The following KCNIP4 variants were observed in gnomAD, a reference collection of about 807,000 sequenced individuals.
KCNIP4 encodes the protein Kv channel-interacting protein 4.
Under a neutral mutation model 34.0 loss-of-function variants are expected in KCNIP4, and 12 were observed. The observed-to-expected ratio is 0.35, with a 90% CI of 0.23 to 0.57. The LOEUF is 0.57. Ranked by LOEUF, KCNIP4 falls within the 20% of genes least tolerant of loss-of-function variation. The probability of loss-of-function intolerance (pLI) is 0.83; values close to 1 mark genes in which losing one functional copy is unlikely to be tolerated. For synonymous variants in KCNIP4, 124 were observed against 102.2 expected (o/e 1.21, Z -1.29); for missense variants, 238 against 311.7 (o/e 0.76, Z 1.78).
intron 1 of KCNIP4, among the ~76,000 whole-genome samples, chr4:21,613,986 A>G (rs1040377298): frequency 1.6e-4 from 24 of 150,208 alleles, no homozygotes; most frequent in African/African-American, 5.2e-4. Flanking sequence ...TACTAAAAAT[A>G]CAAAAAAAAA....
chr4:21,226,641 G>A (rs1758428827), intron 1 of KCNIP4, among the ~76,000 whole-genome samples: 1 of 152,136 alleles, frequency 6.6e-6, no homozygotes, highest in African/African-American at 2.4e-5. Flanking sequence ...GAGGACTTCT[G>A]TAGTTAAGAG....
At chr4:20,876,455 A>G (rs1316221576) in intron 2 of KCNIP4, among the ~76,000 whole-genome samples, 3 of 152,344 alleles carry the variant, frequency 2.0e-5, no homozygotes, top group East Asian at 1.9e-4. Context: ...ATTTCTTGAC[A>G]TTAAGTCATC....
At chr4:20,939,431 T>C (rs1166548426) in intron 1 of KCNIP4, among the ~76,000 whole-genome samples, 1 of 152,082 alleles carries the variant, frequency 6.6e-6, no homozygotes, top group Non-Finnish European at 1.5e-5. Flanking sequence ...TGGAGTGCAG[T>C]GGTGCAATCC....
At chr4:21,308,946 C>G (rs1017705651) in intron 1 of KCNIP4, among the ~76,000 whole-genome samples, 1 of 132,758 alleles carries the variant, frequency 7.5e-6, no homozygotes, top group African/African-American at 3.1e-5. Context: ...TTATCTCTTG[C>G]CTGTCCCCAG....
intron 1 of KCNIP4, among the ~76,000 whole-genome samples, chr4:21,378,069 C>T (rs1343312590): frequency 6.6e-6 from 1 of 152,074 alleles, no homozygotes; most frequent in Non-Finnish European, 1.5e-5. Context: ...AGGTATTTCC[C>T]ACACTTTAAA....
intron 1 of KCNIP4, chr4:21,697,507 A>C: frequency 1.4e-5 from 21 of 1,484,472 alleles, no homozygotes; most frequent in Non-Finnish European, 1.8e-5. Context: ...ATAATAATAA[A>C]AAGAGAGTCT....
At chr4:21,289,773 G>A (rs977762401) in intron 1 of KCNIP4, among the ~76,000 whole-genome samples, 1 of 152,034 alleles carries the variant, frequency 6.6e-6, no homozygotes, top group Non-Finnish European at 1.5e-5. Flanking sequence ...ATGGTGCCTA[G>A]GCAGATGCAA....
chr4:21,234,418 T>C lies in KCNIP4; in HGVS notation c.62-351709A>G, dbSNP rs62652514. 8.5e-5 allele frequency among the ~76,000 whole-genome samples: 8 copies of C among 94,608 alleles called. 2 individuals carry two copies. The highest frequency in any genetic ancestry group is 5.3e-4 in the African/African-American group (8 of 15,104). The allele number at this position is 94,608 out of a possible 152,430, so 62.1% of individuals were successfully genotyped here. On this transcript the variant is annotated intron_variant, in intron 1 of 8. Transcript: ENST00000382152. ...ATATAATATATTATATAACATATACTATATATATTACATATAACGTATATA... is the reference window on the plus strand; with the variant it reads ...ATATAATATATTATATAACATATACCATATATATTACATATAACGTATATA...
chr4:21,242,643 T>G (rs1208360971), intron 1 of KCNIP4, among the ~76,000 whole-genome samples: 3 of 152,170 alleles, frequency 2.0e-5, no homozygotes, highest in Non-Finnish European at 4.4e-5. Flanking sequence ...TTACCCCTTT[T>G]CTTTCTCTTG....
At chr4:20,855,679 G>C (rs753951280) in intron 2 of KCNIP4, among the ~76,000 whole-genome samples, 3 of 151,436 alleles carry the variant, frequency 2.0e-5, no homozygotes, top group Admixed American at 6.6e-5. Context: ...AAAAAAAATT[G>C]GTGATGAAAC....
In KCNIP4 at chr4:21,873,852, G is replaced by A. The variant is rs183381624; in HGVS notation, c.61+74719C>T. 1.6e-3 allele frequency among the ~76,000 whole-genome samples: 238 copies of A among 152,282 alleles called. 2 individuals carry two copies. Among genetic ancestry groups the A allele is most frequent in the Non-Finnish European group, 1.9e-3 (129 of 68,026 alleles). On this transcript the variant is annotated intron_variant, in intron 1 of 8. Coordinates refer to ENST00000382152, the MANE Select transcript of KCNIP4 (RefSeq NM_025221.6). Reference sequence around the variant, plus strand: ...ATTCAGCAGGCTTCTAAACAACAGAGGGCATTTATCTTTGAACAGATTCCT... The same window carrying A: ...ATTCAGCAGGCTTCTAAACAACAGAAGGCATTTATCTTTGAACAGATTCCT...
intron 1 of KCNIP4, among the ~76,000 whole-genome samples, chr4:21,095,953 C>T (rs532658174): frequency 5.3e-5 from 8 of 152,194 alleles, no homozygotes; most frequent in Middle Eastern, 6.8e-3. Flanking sequence ...TGGACAAATC[C>T]TAATACATAA....
intron 1 of KCNIP4, among the ~76,000 whole-genome samples, chr4:21,293,752 T>C (rs182033161): frequency 6.6e-6 from 1 of 152,304 alleles, no homozygotes; most frequent in African/African-American, 2.4e-5. Flanking sequence ...AAGTGGGGTC[T>C]ATGAGAAAAG....
chr4:21,788,405 T>G lies in KCNIP4; in HGVS notation c.61+160166A>C, dbSNP rs562175880. On this transcript the variant is annotated intron_variant, in intron 1 of 8. Transcript: ENST00000382152. ...TATTCATCAAAGATTCATAAACAAA[T>G]GTTCTAATCAATTACTTTAACTTCT... Among the ~76,000 whole-genome samples, 22 of 152,284 alleles carry G rather than the reference T, an allele frequency of 1.4e-4. No homozygotes were observed. In the South Asian group the frequency reaches 4.6e-3, roughly 32 times the overall value.
intron 1 of KCNIP4, among the ~76,000 whole-genome samples, chr4:21,010,741 G>C (rs1479239801): frequency 6.6e-6 from 1 of 152,150 alleles, no homozygotes; most frequent in Non-Finnish European, 1.5e-5. Flanking sequence ...GCATAGTATG[G>C]TTAGTGTGTA....
chr4:21,735,800 T>C (rs1469250388), intron 1 of KCNIP4, among the ~76,000 whole-genome samples: 2 of 152,170 alleles, frequency 1.3e-5, no homozygotes, highest in Admixed American at 1.3e-4. Context: ...AAATCCAAAC[T>C]AGAAACACCT....
chr4:20,990,048 G>A (rs1156631863), intron 1 of KCNIP4, among the ~76,000 whole-genome samples: 1 of 152,166 alleles, frequency 6.6e-6, no homozygotes, highest in Non-Finnish European at 1.5e-5. Context: ...AAATGAGATT[G>A]GATAGTTGGT....
intron 1 of KCNIP4, among the ~76,000 whole-genome samples, chr4:21,657,723 C>T (rs1045428153): frequency 6.6e-6 from 1 of 152,186 alleles, no homozygotes; most frequent in African/African-American, 2.4e-5. Context: ...CATGTACAGA[C>T]CTCTGAAATC....
intron 1 of KCNIP4, among the ~76,000 whole-genome samples, chr4:21,195,607 A>T (rs1313662513): frequency 2.0e-5 from 3 of 152,258 alleles, no homozygotes; most frequent in African/African-American, 7.2e-5. Context: ...AGGCATTGAT[A>T]AAAATGGAAA....
Sources: allele counts gnomAD v4.1 joint callset (sites outside exome capture counted in the v4.1 genomes callset), GRCh38; gene constraint gnomAD v4.1.1; transcripts MANE v1.5; gene names NCBI Gene and HGNC (gene_info 2026-07-23, HGNC 2026-07-21).